EYS: variants seen among roughly 807,000 people sequenced by gnomAD.
EYS encodes the protein EGF-like photoreceptor maintenance factor.
A neutral mutation model predicts 282.1 loss-of-function variants in EYS; 250 were observed. The ratio of observed to expected loss-of-function variants is 0.89; its 90% CI spans 0.80 to 0.98. The LOEUF is 0.98. EYS is among the 50% of genes least tolerant of loss of function. The probability of loss-of-function intolerance (pLI) is 0.00; values close to 1 mark genes in which losing one functional copy is unlikely to be tolerated. For synonymous variants in EYS, 1,355 were observed against 1,282.9 expected (o/e 1.06, Z -1.20); for missense variants, 4,016 against 3,709.0 (o/e 1.08, Z -2.15).
chr6:64,971,188 C>T (rs1770281104), intron 14 of EYS, among the ~76,000 whole-genome samples: 1 of 151,882 alleles, frequency 6.6e-6, no homozygotes, highest in South Asian at 2.1e-4. Context: ...ACAGGAGAAG[C>T]AGCTTCTGCT....
At chr6:65,143,562 A>G (rs1365903882) in intron 12 of EYS, among the ~76,000 whole-genome samples, 1 of 152,090 alleles carries the variant, frequency 6.6e-6, no homozygotes, top group East Asian at 1.9e-4. Context: ...ATTTAGCACA[A>G]TGGAATTAAA....
At chr6:65,613,777 A>G (rs1766085887) in intron 2 of EYS, among the ~76,000 whole-genome samples, 1 of 151,914 alleles carries the variant, frequency 6.6e-6, no homozygotes, top group Non-Finnish European at 1.5e-5. Context: ...AAAGTGATTA[A>G]AAACACACTA....
chr6:65,146,571 A>G (rs1051614646), intron 12 of EYS, among the ~76,000 whole-genome samples: 1 of 151,918 alleles, frequency 6.6e-6, no homozygotes, highest in Non-Finnish European at 1.5e-5. Flanking sequence ...TCTTCAAGTG[A>G]TGGTTGCTAC....
chr6:63,963,649 C>T (rs1407501342), intron 35 of EYS, among the ~76,000 whole-genome samples: 2 of 152,136 alleles, frequency 1.3e-5, no homozygotes, highest in Admixed American at 1.3e-4. Flanking sequence ...TATGGGTTTT[C>T]ATTTTTTTTC....
At chr6:65,065,629 C>T (rs767021378) in intron 12 of EYS, among the ~76,000 whole-genome samples, 3 of 151,888 alleles carry the variant, frequency 2.0e-5, no homozygotes, top group Non-Finnish European at 4.4e-5. Flanking sequence ...GTGATCTGCC[C>T]GCCTCGGCCT....
At chr6:63,851,526 A>T (rs557009166) in intron 36 of EYS, among the ~76,000 whole-genome samples, 1 of 152,340 alleles carries the variant, frequency 6.6e-6, no homozygotes, top group Admixed American at 6.5e-5. Context: ...ACTCACTCAG[A>T]ACTGCACAAT....
At chr6:65,485,602 T>G (rs940173217) in intron 5 of EYS, among the ~76,000 whole-genome samples, 4 of 152,150 alleles carry the variant, frequency 2.6e-5, no homozygotes, top group African/African-American at 9.7e-5. Context: ...GACAAAAGTT[T>G]GGGACCAGCC....
chr6:65,164,358 C>G (rs1475399250), intron 12 of EYS, among the ~76,000 whole-genome samples: 3 of 151,210 alleles, frequency 2.0e-5, no homozygotes, highest in African/African-American at 7.3e-5. Flanking sequence ...GTCTATTGAT[C>G]TATTGATTGC....
chr6:65,443,388 A>G lies in EYS; in HGVS notation c.863-38021T>C, dbSNP rs1349919204. 1.4e-5 allele frequency among the ~76,000 whole-genome samples: 2 copies of G among 143,858 alleles called. 1 individual carries two copies. Among genetic ancestry groups the G allele is most frequent in the Non-Finnish European group, 3.1e-5 (2 of 63,956 alleles). 94.4% of individuals were successfully genotyped at this position (143,858 alleles called of 152,430 possible). A position where few individuals can be genotyped will look rare whatever the true frequency, so the allele number is the denominator to read the frequency against. On this transcript the variant is annotated intron_variant, in intron 5 of 42. Transcript: ENST00000503581. Reference sequence around the variant, plus strand: ...CATGTATGTACACATATAGACATATATGCATACATGTATGTACACATATAG... The same window carrying G: ...CATGTATGTACACATATAGACATATGTGCATACATGTATGTACACATATAG...
chr6:64,296,320 A>C (rs1768985639), intron 30 of EYS, among the ~76,000 whole-genome samples: 1 of 152,168 alleles, frequency 6.6e-6, no homozygotes, highest in African/African-American at 2.4e-5. Flanking sequence ...TTATTAAAGC[A>C]GGTATTAAAT....
At chr6:63,796,757 C>G (rs1215591714) in intron 37 of EYS, among the ~76,000 whole-genome samples, 2 of 152,174 alleles carry the variant, frequency 1.3e-5, no homozygotes, top group Non-Finnish European at 2.9e-5. Context: ...TTATCTCACT[C>G]TTTTGAAAAA....
chr6:64,455,494 G>T (rs188984085), intron 26 of EYS, among the ~76,000 whole-genome samples: 5 of 152,078 alleles, frequency 3.3e-5, no homozygotes, highest in Non-Finnish European at 1.5e-5. Context: ...ATGCAGGTAT[G>T]TTACATAGGT....
intron 2 of EYS, among the ~76,000 whole-genome samples, chr6:65,603,194 T>A (rs1168621516): frequency 6.6e-6 from 1 of 151,932 alleles, no homozygotes; most frequent in Non-Finnish European, 1.5e-5. Flanking sequence ...TCACAGCCCA[T>A]CTGAAAGAGA....
At chr6:65,059,001 C>T (rs1203864692) in intron 12 of EYS, among the ~76,000 whole-genome samples, 2 of 151,762 alleles carry the variant, frequency 1.3e-5, no homozygotes, top group Non-Finnish European at 2.9e-5. Context: ...TAGGAATCAA[C>T]GTACTGGACT....
intron 19 of EYS, among the ~76,000 whole-genome samples, chr6:64,875,836 C>T (rs1583248453): frequency 6.6e-6 from 1 of 151,398 alleles, no homozygotes; most frequent in Admixed American, 6.6e-5. Flanking sequence ...TATGTGATGC[C>T]CTAGAAAACT....
At chr6:64,508,570 T>C (rs918357054) in intron 26 of EYS, among the ~76,000 whole-genome samples, 2 of 147,788 alleles carry the variant, frequency 1.4e-5, no homozygotes, top group African/African-American at 2.5e-5. Flanking sequence ...ATTATTATTA[T>C]TATTATTATT....
chr6:65,585,276 G>A (rs571337742), intron 2 of EYS, among the ~76,000 whole-genome samples: 3 of 151,692 alleles, frequency 2.0e-5, no homozygotes, highest in African/African-American at 7.3e-5. Context: ...TAGCTCTTTC[G>A]AATGATTATT....
intron 12 of EYS, among the ~76,000 whole-genome samples, chr6:65,200,541 C>T (rs557782646): frequency 6.6e-6 from 1 of 151,182 alleles, no homozygotes; most frequent in Non-Finnish European, 1.5e-5. Flanking sequence ...GTCAGAGAGA[C>T]AAAAGAGAAA....
At chr6:65,210,944 A>T (rs1766161763) in intron 12 of EYS, among the ~76,000 whole-genome samples, 1 of 151,816 alleles carries the variant, frequency 6.6e-6, no homozygotes, top group African/African-American at 2.4e-5. Flanking sequence ...ACACACACAC[A>T]CACACACACA....
Sources: allele counts gnomAD v4.1 joint callset (sites outside exome capture counted in the v4.1 genomes callset), GRCh38; gene constraint gnomAD v4.1.1; transcripts MANE v1.5; gene names NCBI Gene and HGNC (gene_info 2026-07-23, HGNC 2026-07-21).